H4C8: variants seen among roughly 807,000 people sequenced by gnomAD.
H4C8 encodes the protein histone H4.
Under a neutral mutation model 6.0 loss-of-function variants are expected in H4C8, and 8 were observed. The observed-to-expected ratio is 1.33, with a 90% CI of 0.78 to 2.40. The LOEUF is 2.40. Among genes scored for constraint, H4C8 ranks in the 30% most tolerant of loss-of-function variants. H4C8 has a pLI of 0.00. For synonymous variants in H4C8, 118 were observed against 51.9 expected, an observed-to-expected ratio of 2.27 and a Z score of -5.47; for missense variants, 211 against 143.4, an observed-to-expected ratio of 1.47 and a Z score of -2.41.
Position 26,285,165 on chromosome 6 carries a change from T to TAA in H4C8, c.*21_*22dup, listed in dbSNP as rs1242088529. On this transcript the variant is annotated 3_prime_UTR_variant, in exon 1 of 1. Coordinates refer to ENST00000377727, the MANE Select transcript of H4C8 (RefSeq NM_003543.4). ...AAGGGCCTTTGGTTGAAAATGAAAA[T>TAA]AAGAGTGCAGCAAGCAGGAGCCTTA... 6.5e-7 allele frequency: 1 copy of TAA among 1,547,354 alleles called. No homozygotes were observed. Among genetic ancestry groups the TAA allele is most frequent in the Non-Finnish European group, 8.7e-7 (1 of 1,143,722 alleles).
Sources: allele counts gnomAD v4.1 joint callset, GRCh38; gene constraint gnomAD v4.1.1; transcripts MANE v1.5; gene names NCBI Gene and HGNC (gene_info 2026-07-23, HGNC 2026-07-21).